The following WFDC1 variants were observed in gnomAD, a reference collection of about 807,000 sequenced individuals.
The protein encoded by WFDC1 is WAP four-disulfide core domain protein 1.
WFDC1 carries 39 observed loss-of-function variants against 32.9 expected under a neutral mutation model. That is an observed-to-expected ratio of 1.19 (90% confidence interval 0.92 to 1.55). The LOEUF is 1.55. WFDC1 is among the 40% of genes most tolerant of loss of function. The probability of loss-of-function intolerance (pLI) is 0.00; values close to 1 mark genes in which losing one functional copy is unlikely to be tolerated. For synonymous variants in WFDC1, 184 were observed against 137.4 expected (o/e 1.34, Z -2.37); for missense variants, 386 against 309.5 (o/e 1.25, Z -1.85).
chr16:84,325,500 G>A (rs568407018), intron 5 of WFDC1, among the ~76,000 whole-genome samples: 71 of 150,728 alleles, frequency 4.7e-4, no homozygotes, highest in African/African-American at 1.6e-3. Flanking sequence ...ACTGTGCCTG[G>A]CCCCATCCAC....
chr16:84,329,771 C>T lies in WFDC1; in HGVS notation c.*465C>T, dbSNP rs1458877993. 3 of 152,188 alleles carry T rather than the reference C, an allele frequency of 2.0e-5. No individual in the cohort carries two copies. Among genetic ancestry groups the T allele is most frequent in the Non-Finnish European group, 4.4e-5 (3 of 68,042 alleles). 9.4% of individuals were successfully genotyped at this position (152,188 alleles called of 1,614,324 possible). A position where few individuals can be genotyped will look rare whatever the true frequency, so the allele number is the denominator to read the frequency against. ...ACTAATGTGTGATTCCTAGTTGTAGCCACCGGATGTGCTGAGGCCTAAATG... is the reference window on the plus strand; with the variant it reads ...ACTAATGTGTGATTCCTAGTTGTAGTCACCGGATGTGCTGAGGCCTAAATG... On this transcript the variant is annotated 3_prime_UTR_variant, in exon 7 of 7. Coordinates refer to ENST00000219454, the MANE Select transcript of WFDC1 (RefSeq NM_021197.4).
intron 5 of WFDC1, among the ~76,000 whole-genome samples, chr16:84,325,390 A>G (rs1164823959): frequency 6.6e-6 from 1 of 152,060 alleles, no homozygotes; most frequent in Non-Finnish European, 1.5e-5. Flanking sequence ...TTTAGTAGAG[A>G]CGAGGTTTCA....
At chr16:84,324,388 A>AAGT (rs1278825600) in intron 4 of WFDC1, 31 bp from the exon 5 acceptor site, 1 of 1,610,446 alleles carries the variant, frequency 6.2e-7, no homozygotes, top group Admixed American at 1.7e-5. Flanking sequence ...AAACTCCTAA[A>AAGT]AGAAGTTTTT....
intron 4 of WFDC1, among the ~76,000 whole-genome samples, chr16:84,323,408 T>C (rs1360110525): frequency 6.6e-6 from 1 of 152,238 alleles, no homozygotes; most frequent in Non-Finnish European, 1.5e-5. Flanking sequence ...AGCATCCACA[T>C]GTCCTGGTCA....
intron 3 of WFDC1, 131 bp downstream of exon 3, chr16:84,318,486 C>T: frequency 1.2e-6 from 1 of 818,924 alleles, no homozygotes; most frequent in Non-Finnish European, 2.0e-6. Flanking sequence ...ACTCAGCCCT[C>T]TTTGATCCTC....
At chr16:84,324,242 A>G (rs1908459942) in intron 4 of WFDC1, among the ~76,000 whole-genome samples, 177 bp from the exon 5 acceptor site, 2 of 152,228 alleles carry the variant, frequency 1.3e-5, no homozygotes, top group Non-Finnish European at 2.9e-5. Flanking sequence ...GGATATTATC[A>G]TATTAGAAAC....
At chr16:84,316,848 C>G (rs926389124) in intron 2 of WFDC1, 1 of 152,004 alleles carries the variant, frequency 6.6e-6, no homozygotes, top group Admixed American at 6.6e-5. Context: ...CATGGTGATG[C>G]GTGCCTGTAA....
intron 1 of WFDC1, among the ~76,000 whole-genome samples, chr16:84,302,423 C>G (rs1026808419): frequency 2.0e-5 from 3 of 152,190 alleles, no homozygotes; most frequent in African/African-American, 7.2e-5. Flanking sequence ...TGAGGCACCT[C>G]TCGGGAATTC....
At position 84,324,478 on chromosome 16, in the gene WFDC1, T is replaced by C. The variant is rs141323024; in HGVS notation, c.604+18T>C. ...ATATCCAGGTAAAAGAAGAAACTGT[T>C]CTTTCTTTCCAGAGGGCACAAAAAA... On this transcript the variant is annotated intron_variant, in intron 5 of 6. Transcript: ENST00000219454. The C allele has an allele frequency of 7.0e-5, 112 of 1,611,458 alleles. 1 individual carries two copies. The African/African-American group carries it at 1.1e-3, about 16-fold the overall frequency.
In WFDC1 at chr16:84,329,815, C is replaced by A. The variant is rs1908815691; in HGVS notation, c.*509C>A. The A allele has an allele frequency of 6.6e-6, 1 of 152,154 alleles. No homozygotes were observed. Among genetic ancestry groups the A allele is most frequent in the South Asian group, 2.1e-4 (1 of 4,830 alleles). The allele number at this position is 152,154 out of a possible 1,614,324, so 9.4% of individuals were successfully genotyped here. On this transcript the variant is annotated 3_prime_UTR_variant, in exon 7 of 7. Coordinates refer to ENST00000219454, the MANE Select transcript of WFDC1 (RefSeq NM_021197.4). ...CTAAATGTTAGCAGGTGGGAGGAGG[C>A]CACAGAACAATAAAAACAACCAAAT...
At chr16:84,302,829 G>T (rs562789838) in intron 1 of WFDC1, among the ~76,000 whole-genome samples, 1 of 152,116 alleles carries the variant, frequency 6.6e-6, no homozygotes, top group Non-Finnish European at 1.5e-5. Flanking sequence ...CCCATTTCCA[G>T]CCCAGCGCCC....
chr16:84,329,510 A>C lies in WFDC1; in HGVS notation c.*204A>C, dbSNP rs1304162436. ...GGTGACTTTGTGGGAGCCACTTAACAGCTCTGGGTCCCTGTTTTACCATCC... is the reference window on the plus strand; with the variant it reads ...GGTGACTTTGTGGGAGCCACTTAACCGCTCTGGGTCCCTGTTTTACCATCC... On this transcript the variant is annotated 3_prime_UTR_variant, in exon 7 of 7. Coordinates refer to ENST00000219454, the MANE Select transcript of WFDC1 (RefSeq NM_021197.4). The C allele has an allele frequency of 3.3e-5, 5 of 152,054 alleles. No individual in the cohort carries two copies. Among genetic ancestry groups the C allele is most frequent in the African/African-American group, 7.2e-5 (3 of 41,396 alleles). The allele number at this position is 152,054 out of a possible 1,614,324, so 9.4% of individuals were successfully genotyped here. A position where few individuals can be genotyped will look rare whatever the true frequency, so the allele number is the denominator to read the frequency against.
chr16:84,297,630 A>AAG (rs1906679856), intron 1 of WFDC1, among the ~76,000 whole-genome samples: 1 of 147,128 alleles, frequency 6.8e-6, no homozygotes, highest in East Asian at 2.0e-4. Context: ...AAAAAAAAAA[A>AAG]AAAAAAAAAA....
Position 84,300,806 on chromosome 16 carries a change from C to G in WFDC1, c.144+5691C>G, listed in dbSNP as rs542939919. The stretch of plus-strand genomic sequence containing the variant: ...CCAACATGCTGAAACCCTGTCTCTA[C>G]TAAAAATACAAACATTAGTTGGGCA... On this transcript the variant is annotated intron_variant, in intron 1 of 6. Transcript: ENST00000219454. Among the ~76,000 whole-genome samples the G allele has an allele frequency of 1.9e-4, 29 of 152,200 alleles. No individual in the cohort carries two copies. The South Asian group carries it at 5.8e-3, about 31-fold the overall frequency.
intron 1 of WFDC1, among the ~76,000 whole-genome samples, chr16:84,311,165 T>G (rs1342973809): frequency 1.3e-5 from 2 of 152,126 alleles, no homozygotes; most frequent in Admixed American, 1.3e-4. Flanking sequence ...GCCTGGTGGC[T>G]TAAACTTTCT....
intron 1 of WFDC1, among the ~76,000 whole-genome samples, chr16:84,304,439 G>C (rs1253233706): frequency 6.6e-6 from 1 of 152,164 alleles, no homozygotes; most frequent in African/African-American, 2.4e-5. Context: ...TATTGGCCAG[G>C]CTGGTCTCGA....
intron 1 of WFDC1, among the ~76,000 whole-genome samples, chr16:84,312,008 A>T (rs963178836): frequency 2.6e-5 from 4 of 152,068 alleles, no homozygotes; most frequent in African/African-American, 7.2e-5. Context: ...TCTACTAAAA[A>T]TACAAAATTA....
chr16:84,320,008 T>C (rs1332759813), intron 4 of WFDC1, among the ~76,000 whole-genome samples: 1 of 152,092 alleles, frequency 6.6e-6, no homozygotes, highest in African/African-American at 2.4e-5. Context: ...TATGTGTAGA[T>C]GGACCCCGAC....
chr16:84,299,962 G>A (rs1414152459), intron 1 of WFDC1, among the ~76,000 whole-genome samples: 2 of 152,326 alleles, frequency 1.3e-5, no homozygotes, highest in Admixed American at 6.5e-5. Flanking sequence ...GGGACTGTAG[G>A]AGCCAGCAGT....
Sources: allele counts gnomAD v4.1 joint callset (sites outside exome capture counted in the v4.1 genomes callset), GRCh38; gene constraint gnomAD v4.1.1; transcripts MANE v1.5; gene names NCBI Gene and HGNC (gene_info 2026-07-23, HGNC 2026-07-21).